Variants in SPAG16 observed in about 807,000 individuals in gnomAD.
The protein encoded by SPAG16 is sperm-associated antigen 16 protein.
A neutral mutation model predicts 80.4 loss-of-function variants in SPAG16; 86 were observed. The observed-to-expected ratio is 1.07, with a 90% CI of 0.90 to 1.28. The LOEUF is 1.28. Among genes scored for constraint, SPAG16 ranks in the 50% most tolerant of loss-of-function variants. The probability of loss-of-function intolerance (pLI) is 0.00; values close to 1 mark genes in which losing one functional copy is unlikely to be tolerated. For missense variants in SPAG16, 870 were observed against 765.3 expected, an observed-to-expected ratio of 1.14 and a Z score of -1.61; for synonymous variants, 294 against 265.9, an observed-to-expected ratio of 1.11 and a Z score of -1.03.
chr2:214,382,824 C>T (rs1214800527), intron 15 of SPAG16, among the ~76,000 whole-genome samples: 3 of 152,160 alleles, frequency 2.0e-5, no homozygotes, highest in Non-Finnish European at 4.4e-5. Context: ...CAGAGAGCAT[C>T]ATGGAGTAGA....
intron 15 of SPAG16, among the ~76,000 whole-genome samples, chr2:214,385,705 G>A (rs547118254): frequency 1.3e-5 from 2 of 152,200 alleles, no homozygotes; most frequent in Admixed American, 6.5e-5. Context: ...TTAGCCGGGT[G>A]TGGTGGCACG....
intron 9 of SPAG16, among the ~76,000 whole-genome samples, chr2:213,478,053 CCTT>C (rs1467313584): frequency 1.5e-4 from 23 of 152,154 alleles, no homozygotes; most frequent in African/African-American, 5.1e-4. Flanking sequence ...TGGCATTTCC[CCTT>C]CTTGCACTCA....
In SPAG16 at chr2:213,350,405, A is replaced by G. The variant is rs561627501; in HGVS notation, c.645-123A>G. 1.7e-3 allele frequency: 905 copies of G among 542,228 alleles called. 6 individuals are homozygous for G. Among genetic ancestry groups the G allele is most frequent in the Non-Finnish European group, 2.6e-3 (810 of 314,130 alleles). 33.6% of individuals were successfully genotyped at this position (542,228 alleles called of 1,614,324 possible). ...TCTTGGCTGTAGTGTGTTAACCTTT[A>G]TATGATTATTCATTTTTATTTCACA... is the stretch of plus-strand genomic sequence containing the variant. On this transcript the variant is annotated intron_variant, in intron 6 of 15. Coordinates refer to ENST00000331683, the MANE Select transcript of SPAG16 (RefSeq NM_024532.5).
At chr2:213,291,948 A>C (rs186234157) in intron 1 of SPAG16, among the ~76,000 whole-genome samples, 1 of 152,226 alleles carries the variant, frequency 6.6e-6, no homozygotes, top group African/African-American at 2.4e-5. Flanking sequence ...AATGGTAGTT[A>C]TGTACTCTCT....
chr2:214,308,688 T>C (rs1466737985), intron 15 of SPAG16, among the ~76,000 whole-genome samples: 3 of 152,220 alleles, frequency 2.0e-5, no homozygotes, highest in African/African-American at 7.2e-5. Flanking sequence ...GAAATTCTTT[T>C]TTTTTTAAGA....
intron 15 of SPAG16, among the ~76,000 whole-genome samples, chr2:214,304,983 A>G (rs1694813870): frequency 6.6e-6 from 1 of 152,180 alleles, no homozygotes; most frequent in South Asian, 2.1e-4. Context: ...ACTGTTTTAC[A>G]CTCCCATCCA....
At chr2:213,627,661 A>G (rs969366854) in intron 10 of SPAG16, among the ~76,000 whole-genome samples, 3 of 144,546 alleles carry the variant, frequency 2.1e-5, no homozygotes, top group African/African-American at 7.9e-5. Flanking sequence ...AAAGAAAAGG[A>G]ACTCAACAAT....
At chr2:214,321,777 G>C (rs1436212727) in intron 15 of SPAG16, among the ~76,000 whole-genome samples, 1 of 152,134 alleles carries the variant, frequency 6.6e-6, no homozygotes. Flanking sequence ...AATGAACTCT[G>C]TATTTTGTAA....
At chr2:213,711,521 C>A (rs556075184) in intron 10 of SPAG16, among the ~76,000 whole-genome samples, 1 of 148,612 alleles carries the variant, frequency 6.7e-6, no homozygotes, top group East Asian at 2.0e-4. Context: ...TTACAATTTT[C>A]TTTCCTTTTT....
intron 10 of SPAG16, among the ~76,000 whole-genome samples, chr2:213,856,652 T>A (rs912116517): frequency 2.6e-5 from 4 of 152,130 alleles, no homozygotes; most frequent in African/African-American, 9.7e-5. Flanking sequence ...GCCCAACACA[T>A]GTAAGCTGCC....
chr2:214,028,163 T>G (rs1438543315), intron 13 of SPAG16, among the ~76,000 whole-genome samples: 1 of 152,006 alleles, frequency 6.6e-6, no homozygotes, highest in East Asian at 1.9e-4. Flanking sequence ...CCATGCCTTT[T>G]CCGTATTTTC....
chr2:213,980,725 T>TATATATATATATAGAGAGAGAGAGAG lies in SPAG16; in HGVS notation c.1401-33225_1401-33224insTATATATATATAGAGAGAGAGAGAGA, dbSNP rs374274176. ...GTGTGTGTGTGTGTATATATATATA[T>TATATATATATATAGAGAGAGAGAGAG]AGAGAGAGAGAGAGAGAGAGAGAGA... On this transcript the variant is annotated intron_variant, in intron 12 of 15. Transcript: ENST00000331683. Among the ~76,000 whole-genome samples the TATATATATATATAGAGAGAGAGAGAG allele has an allele frequency of 1.4e-4, 15 of 103,990 alleles. 1 individual carries two copies. The highest frequency in any genetic ancestry group is 5.0e-4 in the African/African-American group (10 of 20,086). The allele number at this position is 103,990 out of a possible 152,430, so 68.2% of individuals were successfully genotyped here.
At chr2:213,541,680 C>T (rs2076451475) in intron 10 of SPAG16, among the ~76,000 whole-genome samples, 1 of 152,092 alleles carries the variant, frequency 6.6e-6, no homozygotes, top group Non-Finnish European at 1.5e-5. Flanking sequence ...GAAGAGAGAA[C>T]CCTTCCAAGA....
chr2:213,856,589 A>G (rs2075179225), intron 10 of SPAG16, among the ~76,000 whole-genome samples: 1 of 152,188 alleles, frequency 6.6e-6, no homozygotes, highest in Admixed American at 6.5e-5. Context: ...ACATCTTCGG[A>G]AACCTTGGCA....
chr2:213,433,815 C>G (rs940861727), intron 9 of SPAG16, among the ~76,000 whole-genome samples: 1 of 151,704 alleles, frequency 6.6e-6, no homozygotes, highest in African/African-American at 2.4e-5. Flanking sequence ...AAGAATAAAA[C>G]TGGAGGTACT....
At chr2:214,312,221 G>A (rs560569558) in intron 15 of SPAG16, among the ~76,000 whole-genome samples, 1 of 152,194 alleles carries the variant, frequency 6.6e-6, no homozygotes, top group Non-Finnish European at 1.5e-5. Flanking sequence ...TTATATATCA[G>A]AGTCTTCCAA....
rs551801142 is a variant in SPAG16 at position 214,397,804 on chromosome 2, T to A, written c.1721-12336T>A. ...ATTATTTCTTTGTTTTCTTCTCTAATGCAAAAATTGGCTCTGAATTGCACA... is the reference window on the plus strand; with the variant it reads ...ATTATTTCTTTGTTTTCTTCTCTAAAGCAAAAATTGGCTCTGAATTGCACA... On this transcript the variant is annotated intron_variant, in intron 15 of 15. Coordinates refer to ENST00000331683, the MANE Select transcript of SPAG16 (RefSeq NM_024532.5). Among the ~76,000 whole-genome samples, 4 of 152,342 alleles carry A rather than the reference T, an allele frequency of 2.6e-5. No homozygotes were observed. The South Asian group carries it at 6.2e-4, about 24-fold the overall frequency.
At chr2:214,405,760 G>A (rs1701960658) in intron 15 of SPAG16, among the ~76,000 whole-genome samples, 2 of 152,186 alleles carry the variant, frequency 1.3e-5, no homozygotes, top group African/African-American at 4.8e-5. Context: ...TTGCGCCACT[G>A]CACTCAAGCC....
rs73087078 is a variant in SPAG16 at position 214,346,642 on chromosome 2, G to T, written c.1721-63498G>T. On this transcript the variant is annotated intron_variant, in intron 15 of 15. Transcript: ENST00000331683. ...CTAGGTCATAAAAGGCCATGCATTAGCCACATTGCTCACTGGAAAACTTGC... is the reference window on the plus strand; with the variant it reads ...CTAGGTCATAAAAGGCCATGCATTATCCACATTGCTCACTGGAAAACTTGC... 2.3e-4 allele frequency among the ~76,000 whole-genome samples: 35 copies of T among 152,272 alleles called. 1 individual carries two copies. In the South Asian group the frequency reaches 7.2e-3, roughly 32 times the overall value.
Sources: allele counts gnomAD v4.1 joint callset (sites outside exome capture counted in the v4.1 genomes callset), GRCh38; gene constraint gnomAD v4.1.1; transcripts MANE v1.5; gene names NCBI Gene and HGNC (gene_info 2026-07-23, HGNC 2026-07-21).